PTPN22: variants seen among roughly 807,000 people sequenced by gnomAD.
PTPN22 encodes the protein protein tyrosine phosphatase non-receptor type 22.
In PTPN22, 85 loss-of-function variants were observed where a neutral mutation model predicts 103.3. The observed-to-expected ratio is 0.82, with a 90% CI of 0.69 to 0.99. PTPN22 has a LOEUF of 0.99. PTPN22 is among the 50% of genes least tolerant of loss of function. The pLI is 0.00. For synonymous variants in PTPN22, 323 were observed against 310.2 expected, an observed-to-expected ratio of 1.04 and a Z score of -0.43; for missense variants, 865 against 936.9, an observed-to-expected ratio of 0.92 and a Z score of 1.00.
intron 11 of PTPN22, among the ~76,000 whole-genome samples, chr1:113,842,963 A>G (rs1446440376): frequency 6.8e-6 from 1 of 146,052 alleles, no homozygotes; most frequent in Non-Finnish European, 1.5e-5. Flanking sequence ...AGCCGGGCGT[A>G]GTGGCGGGCG....
intron 13 of PTPN22, among the ~76,000 whole-genome samples, chr1:113,835,653 A>G (rs1662938923): frequency 6.6e-6 from 1 of 152,196 alleles, no homozygotes; most frequent in Non-Finnish European, 1.5e-5. Context: ...TTTGTTTTAC[A>G]TAGACTATAT....
intron 19 of PTPN22, among the ~76,000 whole-genome samples, chr1:113,823,800 T>C (rs1036990693): frequency 3.3e-5 from 5 of 152,230 alleles, no homozygotes; most frequent in African/African-American, 1.2e-4. Flanking sequence ...TTGAAATGTT[T>C]AAATTCTCTT....
intron 13 of PTPN22, among the ~76,000 whole-genome samples, chr1:113,835,379 G>A (rs1662903750): frequency 6.6e-6 from 1 of 152,114 alleles, no homozygotes; most frequent in African/African-American, 2.4e-5. Context: ...TTAGCCGGGC[G>A]TGGTGGCGGG....
At chr1:113,857,838 CA>C in intron 4 of PTPN22, 62 bp from the exon 5 acceptor site, 1 of 1,438,602 alleles carries the variant, frequency 7.0e-7, no homozygotes, top group Non-Finnish European at 9.6e-7. Context: ...GCAGTTAATA[CA>C]TGGATCCCAG....
At position 113,857,633 on chromosome 1, in the gene PTPN22, A is replaced by G. The variant is rs1665193776; in HGVS notation, c.408+105T>C. ...CCAAACTGAAAACTATGAAGATGAC[A>G]TAAGTTTTATCTAGGTACACTCAGG... On this transcript the variant is annotated intron_variant, in intron 5 of 20. Coordinates refer to ENST00000359785, the Ensembl canonical transcript of PTPN22. 2.9e-6 allele frequency: 3 copies of G among 1,035,520 alleles called. No homozygotes were observed. In the East Asian group the frequency reaches 7.7e-5, roughly 27 times the overall value. The allele number at this position is 1,035,520 out of a possible 1,614,324, so 64.1% of individuals were successfully genotyped here. A position where few individuals can be genotyped will look rare whatever the true frequency, so the allele number is the denominator to read the frequency against.
At chr1:113,827,829 A>T (rs1009006590) in intron 18 of PTPN22, among the ~76,000 whole-genome samples, 13 of 152,170 alleles carry the variant, frequency 8.5e-5, no homozygotes, top group African/African-American at 2.2e-4. Flanking sequence ...TTTAAAAAAA[A>T]AATTGTAAAA....
Position 113,862,262 on chromosome 1 carries a change from G to C in PTPN22, c.88-2802C>G, listed in dbSNP as rs190586274. Among the ~76,000 whole-genome samples, 9 of 152,170 alleles carry C rather than the reference G, an allele frequency of 5.9e-5. No homozygotes were observed. In the East Asian group the frequency reaches 1.7e-3, roughly 29 times the overall value. On this transcript the variant is annotated intron_variant, in intron 1 of 20. Transcript: ENST00000359785. Reference sequence around the variant, plus strand: ...CACACCACTGCACTCCAGCCTGGGTGACAGTGTGAGACTCCGCCTCAAAAA... The same window carrying C: ...CACACCACTGCACTCCAGCCTGGGTCACAGTGTGAGACTCCGCCTCAAAAA...
intron 16 of PTPN22, among the ~76,000 whole-genome samples, chr1:113,832,009 C>A (rs867874752): frequency 6.6e-6 from 1 of 152,058 alleles, no homozygotes; most frequent in Middle Eastern, 3.4e-3. Context: ...AAAAGCTTTA[C>A]GACATTATTG....
At chr1:113,822,018 A>AT (rs967385630) in intron 19 of PTPN22, among the ~76,000 whole-genome samples, 1 of 152,096 alleles carries the variant, frequency 6.6e-6, no homozygotes, top group East Asian at 1.9e-4. Flanking sequence ...ATAAAGAGTT[A>AT]TTTTTTTTCC....
In PTPN22 at chr1:113,828,709, C is replaced by G. The variant is rs555997990; in HGVS notation, c.2250+883G>C. On this transcript the variant is annotated intron_variant, in intron 18 of 20. Transcript: ENST00000359785. ...CCAGGCTGGAGTACAGTGGCATAAT[C>G]TCTGCAGTCTCCACCTTCCAGGCTC... Among the ~76,000 whole-genome samples the G allele has an allele frequency of 2.6e-5, 4 of 152,286 alleles. 1 individual carries two copies. The highest frequency in any genetic ancestry group is 2.6e-4 in the Admixed American group (4 of 15,296).
intron 1 of PTPN22, 31 bp from the exon 2 acceptor site, chr1:113,859,491 TC>T: frequency 6.5e-7 from 1 of 1,546,364 alleles, no homozygotes; most frequent in Non-Finnish European, 8.9e-7. Flanking sequence ...AAATTAATCT[TC>T]CTAGAGAAAT....
chr1:113,851,488 A>G lies in PTPN22; in HGVS notation c.828+539T>C, dbSNP rs532720695. Among the ~76,000 whole-genome samples, 10 of 152,240 alleles carry G rather than the reference A, an allele frequency of 6.6e-5. No individual in the cohort carries two copies. In the South Asian group the frequency reaches 1.7e-3, roughly 25 times the overall value. ...TTTTTCTTTTTTAAGTATGCATGCA[A>G]TAAGAATCAGGAGAAACTATAGAAA... is the stretch of plus-strand genomic sequence containing the variant. On this transcript the variant is annotated intron_variant, in intron 10 of 20. Coordinates refer to ENST00000359785, the Ensembl canonical transcript of PTPN22.
chr1:113,821,757 G>C (rs1558015708), intron 19 of PTPN22, among the ~76,000 whole-genome samples: 1 of 152,266 alleles, frequency 6.6e-6, no homozygotes, highest in East Asian at 1.9e-4. Flanking sequence ...TGTACCTTTA[G>C]ATTAAGGAAA....
At chr1:113,821,323 T>G (rs963478153) in intron 19 of PTPN22, among the ~76,000 whole-genome samples, 2 of 151,936 alleles carry the variant, frequency 1.3e-5, no homozygotes, top group Admixed American at 1.3e-4. Context: ...TTTTGTTTGT[T>G]TGTTTTGGGG....
chr1:113,870,821 C>G (rs990235246), intron 1 of PTPN22, among the ~76,000 whole-genome samples: 1 of 152,042 alleles, frequency 6.6e-6, no homozygotes, highest in Non-Finnish European at 1.5e-5. Flanking sequence ...GAGTTCGAGA[C>G]AAGCCTGGGC....
chr1:113,817,331 A>T (rs80097650), intron 20 of PTPN22, among the ~76,000 whole-genome samples: 173 of 152,324 alleles, frequency 1.1e-3, no homozygotes, highest in African/African-American at 3.9e-3. Context: ...ATGTGGGCCA[A>T]TTCAGGGAAA....
intron 6 of PTPN22, 49 bp from the exon 7 acceptor site, chr1:113,856,490 C>A: frequency 6.2e-7 from 1 of 1,613,574 alleles, no homozygotes; most frequent in Non-Finnish European, 8.5e-7. Context: ...AAGACAAGCT[C>A]TCTATAAGGT....
intron 10 of PTPN22, among the ~76,000 whole-genome samples, chr1:113,850,920 T>C (rs758248328): frequency 2.6e-5 from 4 of 152,214 alleles, no homozygotes; most frequent in Non-Finnish European, 4.4e-5. Flanking sequence ...TAAACATCAA[T>C]ACACGTTTCA....
At chr1:113,828,789 C>T (rs1304918694) in intron 18 of PTPN22, among the ~76,000 whole-genome samples, 2 of 152,128 alleles carry the variant, frequency 1.3e-5, no homozygotes, top group East Asian at 1.9e-4. Flanking sequence ...GCACACAGCA[C>T]CATGCCCGGC....
Sources: allele counts gnomAD v4.1 joint callset (sites outside exome capture counted in the v4.1 genomes callset), GRCh38; gene constraint gnomAD v4.1.1; transcripts MANE v1.5; gene names NCBI Gene and HGNC (gene_info 2026-07-23, HGNC 2026-07-21).